CHRM5: variants seen among roughly 807,000 people sequenced by gnomAD.
CHRM5 encodes the protein cholinergic receptor muscarinic 5, also known as muscarinic acetylcholine receptor M5.
CHRM5 carries 18 observed loss-of-function variants against 39.0 expected under a neutral mutation model. The observed-to-expected ratio is 0.46, with a 90% CI of 0.32 to 0.68. The LOEUF is 0.68. Ranked by LOEUF, CHRM5 falls within the 30% of genes least tolerant of loss-of-function variation. CHRM5 has a pLI of 0.04. For missense variants in CHRM5, 515 were observed against 651.1 expected (o/e 0.79, Z 2.28); for synonymous variants, 241 against 246.3 (o/e 0.98, Z 0.20).
intron 1 of CHRM5, among the ~76,000 whole-genome samples, chr15:34,028,464 C>T (rs753760271): frequency 3.2e-4 from 49 of 152,098 alleles, no homozygotes; most frequent in Admixed American, 9.8e-4. Context: ...ATTCAGAAGG[C>T]TGAGGTGGGA....
At chr15:33,988,077 C>T (rs755174590) in intron 1 of CHRM5, among the ~76,000 whole-genome samples, 4 of 152,234 alleles carry the variant, frequency 2.6e-5, no homozygotes, top group Non-Finnish European at 4.4e-5. Context: ...CTGCAGCTCC[C>T]AAGCCTTGGG....
chr15:34,014,515 A>G (rs1897797095), intron 1 of CHRM5, among the ~76,000 whole-genome samples: 1 of 152,156 alleles, frequency 6.6e-6, no homozygotes, highest in African/African-American at 2.4e-5. Context: ...GGAAACAGCC[A>G]CAAAAGCCTA....
chr15:33,972,968 G>C (rs1895705178), intron 1 of CHRM5, among the ~76,000 whole-genome samples: 1 of 152,204 alleles, frequency 6.6e-6, no homozygotes, highest in Non-Finnish European at 1.5e-5. Context: ...GCTTGATCCA[G>C]TGGTGTGTAG....
chr15:33,983,223 T>TACAC lies in CHRM5; in HGVS notation c.-408+14079_-408+14082dup, dbSNP rs1555512827. Among the ~76,000 whole-genome samples, 92 of 110,662 alleles carry TACAC rather than the reference T, an allele frequency of 8.3e-4. 1 individual carries two copies. The highest frequency in any genetic ancestry group is 3.7e-3 in the African/African-American group (91 of 24,412). The allele number at this position is 110,662 out of a possible 152,430, so 72.6% of individuals were successfully genotyped here. A position where few individuals can be genotyped will look rare whatever the true frequency, so the allele number is the denominator to read the frequency against. ...GTGTATATATATATATACATATATA[T>TACAC]ACACACACATACACACACACACATA... is the stretch of plus-strand genomic sequence containing the variant. On this transcript the variant is annotated intron_variant, in intron 1 of 2. Transcript: ENST00000383263.
At chr15:34,033,794 T>G (rs1406089317) in intron 1 of CHRM5, among the ~76,000 whole-genome samples, 1 of 152,184 alleles carries the variant, frequency 6.6e-6, no homozygotes, top group Non-Finnish European at 1.5e-5. Context: ...TTTTGTTTTT[T>G]GTTTTTTGTT....
At chr15:34,001,230 C>G (rs1897126887) in intron 1 of CHRM5, among the ~76,000 whole-genome samples, 2 of 152,138 alleles carry the variant, frequency 1.3e-5, no homozygotes, top group South Asian at 4.2e-4. Context: ...CTATGTTGGC[C>G]AGGATGGTCT....
chr15:34,007,964 G>A (rs1897435152), intron 1 of CHRM5, among the ~76,000 whole-genome samples: 1 of 152,112 alleles, frequency 6.6e-6, no homozygotes, highest in Non-Finnish European at 1.5e-5. Flanking sequence ...TACTGGATTA[G>A]GGCCTACCTT....
chr15:34,020,823 C>G (rs1284479094), intron 1 of CHRM5, among the ~76,000 whole-genome samples: 2 of 152,116 alleles, frequency 1.3e-5, no homozygotes, highest in African/African-American at 4.8e-5. Flanking sequence ...AGAAAAGGGC[C>G]AAACTCCAGC....
At chr15:34,025,148 C>T (rs1434371533) in intron 1 of CHRM5, among the ~76,000 whole-genome samples, 2 of 151,872 alleles carry the variant, frequency 1.3e-5, no homozygotes, top group South Asian at 2.1e-4. Context: ...CCACCCTGGG[C>T]GATGGAGTGA....
intron 1 of CHRM5, among the ~76,000 whole-genome samples, chr15:34,015,342 GT>G (rs1229004568): frequency 2.6e-5 from 4 of 152,028 alleles, no homozygotes; most frequent in Non-Finnish European, 4.4e-5. Context: ...AATTAGCCAG[GT>G]GCGGTGGCGG....
rs922551384 is a variant in CHRM5, at chr15:34,046,600, C to G, written c.-347C>G. 1.3e-5 allele frequency: 2 copies of G among 152,168 alleles called. No individual in the cohort carries two copies. Among genetic ancestry groups the G allele is most frequent in the African/African-American group, 4.8e-5 (2 of 41,436 alleles). The allele number at this position is 152,168 out of a possible 1,614,324, so 9.4% of individuals were successfully genotyped here. On this transcript the variant is annotated 5_prime_UTR_variant, in exon 2 of 3. In the 5' UTR this introduces an upstream ATG that the reference lacks. Transcript: ENST00000383263. ...AATATGGTACATGGATCAGTAGCAT[C>G]AAGAATACTCAGGAGCTTTTCAGAA...
chr15:34,041,122 G>A (rs539883716), intron 1 of CHRM5, among the ~76,000 whole-genome samples: 7 of 152,044 alleles, frequency 4.6e-5, no homozygotes, highest in Non-Finnish European at 7.4e-5. Flanking sequence ...ATTTTGTGGC[G>A]GTAGCTTATC....
intron 1 of CHRM5, among the ~76,000 whole-genome samples, chr15:34,041,071 A>G (rs1899455779): frequency 6.6e-6 from 1 of 151,904 alleles, no homozygotes; most frequent in Non-Finnish European, 1.5e-5. Context: ...ATTTGCACAA[A>G]TCGGAGTTTC....
At chr15:33,972,287 T>C (rs1428342830) in intron 1 of CHRM5, 1 of 151,968 alleles carries the variant, frequency 6.6e-6, no homozygotes, top group East Asian at 1.9e-4. Context: ...AAATTTCACC[T>C]TGGTTCAAGC....
chr15:34,063,022 C>G lies in CHRM5; in HGVS notation c.305C>G (p.Ala102Gly). 1.1e-5 allele frequency: 18 copies of G among 1,614,252 alleles called. No homozygotes were observed. The highest frequency in any genetic ancestry group is 1.4e-5 in the Non-Finnish European group (16 of 1,180,036). Reference protein sequence around the residue: ...LMGRWALGSLACDLWLALDYV... With the variant: ...LMGRWALGSLGCDLWLALDYV... The stretch of plus-strand genomic sequence containing the variant: ...GGACGCTGGGCTCTCGGGAGTCTGG[C>G]TTGTGACCTTTGGCTTGCACTGGAC... Residue 102 changes from alanine (A) to glycine (G), a missense_variant, in exon 3 of 3, where the codon GCT becomes GGT. Physicochemically the swap from Ala to Gly is moderately conservative, Grantham distance 60 (BLOSUM62 0). Transcript: ENST00000383263. The surrounding 1 kb of genome is among the most constrained non-coding windows in gnomAD (Gnocchi z 4.1).
At chr15:34,050,757 G>A (rs1899901084) in intron 2 of CHRM5, among the ~76,000 whole-genome samples, 2 of 152,064 alleles carry the variant, frequency 1.3e-5, no homozygotes, top group Admixed American at 1.3e-4. Context: ...AGAAAGAAGG[G>A]CATTACATAA....
Position 34,065,182 on chromosome 15 carries a change from T to C in CHRM5, c.*866T>C, listed in dbSNP as rs1900477936. On this transcript the variant is annotated 3_prime_UTR_variant, in exon 3 of 3. Coordinates refer to ENST00000383263, the MANE Select transcript of CHRM5 (RefSeq NM_012125.4). ...TTTTGTGCCCATTTGAACCCATTTA[T>C]TTATGCTCTGTTCTTAGGAAGACTA... 1 of 154,050 alleles carries C rather than the reference T, an allele frequency of 6.5e-6. No homozygotes were observed. The highest frequency in any genetic ancestry group is 2.1e-4 in the South Asian group (1 of 4,836). 9.5% of individuals were successfully genotyped at this position (154,050 alleles called of 1,614,324 possible).
chr15:33,989,706 T>C (rs935398118), intron 1 of CHRM5, among the ~76,000 whole-genome samples: 6 of 152,112 alleles, frequency 3.9e-5, no homozygotes, highest in African/African-American at 1.4e-4. Flanking sequence ...AAATAACCTT[T>C]TATTATCTTT....
chr15:34,030,203 G>A (rs1271918845), intron 1 of CHRM5, among the ~76,000 whole-genome samples: 1 of 152,130 alleles, frequency 6.6e-6, no homozygotes, highest in Non-Finnish European at 1.5e-5. Flanking sequence ...GCAGGGAGCT[G>A]AGATCACACC....
Sources: allele counts gnomAD v4.1 joint callset (sites outside exome capture counted in the v4.1 genomes callset), GRCh38; gene constraint gnomAD v4.1.1; non-coding constraint Gnocchi (gnomAD v3.1); transcripts MANE v1.5; gene names NCBI Gene and HGNC (gene_info 2026-07-23, HGNC 2026-07-21).